Variants in PEX3 observed in about 807,000 individuals in gnomAD.
The protein encoded by PEX3 is peroxin-3.
In PEX3, 30 loss-of-function variants were observed where a neutral mutation model predicts 55.8. The observed-to-expected ratio is 0.54, with a 90% CI of 0.40 to 0.73. The LOEUF (loss-of-function observed/expected upper bound fraction) is 0.73. PEX3 is among the 30% of genes least tolerant of loss of function. The probability of loss-of-function intolerance (pLI) is 0.00; values close to 1 mark genes in which losing one functional copy is unlikely to be tolerated. For missense variants in PEX3, 351 were observed against 432.8 expected (o/e 0.81, Z 1.68); for synonymous variants, 135 against 148.4 (o/e 0.91, Z 0.66).
intron 1 of PEX3, among the ~76,000 whole-genome samples, chr6:143,457,026 G>A (rs1779856651): frequency 6.6e-6 from 1 of 152,118 alleles, no homozygotes; most frequent in African/African-American, 2.4e-5. Flanking sequence ...TAAAGCAGTG[G>A]ACCTTCTCCC....
In PEX3 at chr6:143,462,773, A is replaced by T; in HGVS notation, c.206-143A>T. On this transcript the variant is annotated intron_variant, in intron 2 of 11. Coordinates refer to ENST00000367591, the MANE Select transcript of PEX3 (RefSeq NM_003630.3). This position sits in a 1 kb window ranked among gnomAD's most constrained non-coding sequence, Gnocchi z 4.1. ...ATAATCGTTTTATAATAATAATAAT[A>T]ATTTGAATCGTCTAGCCCTGACTTT... 2 of 636,414 alleles carry T rather than the reference A, an allele frequency of 3.1e-6. No homozygotes were observed. The highest frequency in any genetic ancestry group is 5.7e-6 in the Non-Finnish European group (2 of 350,914). 39.4% of individuals were successfully genotyped at this position (636,414 alleles called of 1,614,324 possible). A position where few individuals can be genotyped will look rare whatever the true frequency, so the allele number is the denominator to read the frequency against.
At position 143,462,907 on chromosome 6, in the gene PEX3, G is replaced by GT. The variant is rs1441989367; in HGVS notation, c.206-8dup. ...GTGACCTTTTTTATTTTTTTTGTTT[G>GT]TATTACAGTGCTGTCCATGCTTCCA... On this transcript the variant is annotated splice_polypyrimidine_tract_variant and intron_variant, in intron 2 of 11. Transcript: ENST00000367591. The surrounding 1 kb of genome is among the most constrained non-coding windows in gnomAD (Gnocchi z 4.1). 6.2e-7 allele frequency: 1 copy of GT among 1,606,652 alleles called. No homozygotes were observed. The highest frequency in any genetic ancestry group is 2.2e-5 in the East Asian group (1 of 44,806).
Position 143,483,563 on chromosome 6 carries a change from TCAGA to T in PEX3, c.942-1586_942-1583del, listed in dbSNP as rs535953205. Among the ~76,000 whole-genome samples, 53 of 152,262 alleles carry T rather than the reference TCAGA, an allele frequency of 3.5e-4. No individual in the cohort carries two copies. Among genetic ancestry groups the T allele is most frequent in the Admixed American group, 1.3e-3 (20 of 15,274 alleles). ...CTGAATACATAGAACAAGAGTGGTG[TCAGA>T]CAAAGCTGGAGAATGCAGCATATAC... is the stretch of plus-strand genomic sequence containing the variant. On this transcript the variant is annotated intron_variant, in intron 10 of 11. Transcript: ENST00000367591. The surrounding 1 kb of genome is among the most constrained non-coding windows in gnomAD (Gnocchi z 4.3).
Position 143,453,580 on chromosome 6 carries a change from C to T in PEX3, c.73+2465C>T, listed in dbSNP as rs1779804161. On this transcript the variant is annotated intron_variant, in intron 1 of 11. Transcript: ENST00000367591. The surrounding 1 kb of genome is among the most constrained non-coding windows in gnomAD (Gnocchi z 4.6). ...ACAATGGTGTGATCGTAGCTCACTGCAGCCTTGTTTTCTCCTTTGCTAGCT... is the reference window on the plus strand; with the variant it reads ...ACAATGGTGTGATCGTAGCTCACTGTAGCCTTGTTTTCTCCTTTGCTAGCT... Among the ~76,000 whole-genome samples, 1 of 152,072 alleles carries T rather than the reference C, an allele frequency of 6.6e-6. No homozygotes were observed. The highest frequency in any genetic ancestry group is 1.9e-4 in the East Asian group (1 of 5,194).
At chr6:143,468,801 T>TCC (rs775693906) in intron 4 of PEX3, among the ~76,000 whole-genome samples, 624 of 12,360 alleles carry the variant, frequency 0.05, 16 homozygotes, top group East Asian at 0.24. Context: ...CCTAATGCTA[T>TCC]CCCCCCCCCC....
Position 143,459,121 on chromosome 6 carries a change from T to C in PEX3, c.110T>C (p.Ile37Thr), listed in dbSNP as rs765883981. The change falls in exon 2 of 12, where the codon ATC becomes ACC. Residue 37 changes from isoleucine to threonine, a missense_variant. Physicochemically the swap from Ile to Thr is moderately conservative, Grantham distance 89. Transcript: ENST00000367591. This position sits in a 1 kb window ranked among gnomAD's most constrained non-coding sequence, Gnocchi z 4.2. ...CTGGGGAAATATGGACAGAAGAAAA[T>C]CAGAGAAATACAGGAAAGGGAGGCT... ...YILGKYGQKK[I>T]REIQEREAAE... 2 of 1,601,754 alleles carry C rather than the reference T, an allele frequency of 1.2e-6. No homozygotes were observed. Among genetic ancestry groups the C allele is most frequent in the Non-Finnish European group, 1.7e-6 (2 of 1,168,968 alleles).
intron 10 of PEX3, among the ~76,000 whole-genome samples, chr6:143,480,787 G>T (rs1294877434): frequency 6.6e-6 from 1 of 152,128 alleles, no homozygotes; most frequent in Non-Finnish European, 1.5e-5. Context: ...GAGGTGGGTG[G>T]ATTGCACGAG....
rs759855175 is a variant in PEX3 at position 143,458,728 on chromosome 6, A to T, written c.74-357A>T. 2.6e-5 allele frequency among the ~76,000 whole-genome samples: 4 copies of T among 152,224 alleles called. No homozygotes were observed. Among genetic ancestry groups the T allele is most frequent in the Admixed American group, 2.0e-4 (3 of 15,288 alleles). On this transcript the variant is annotated intron_variant, in intron 1 of 11. Transcript: ENST00000367591. The surrounding 1 kb of genome is among the most constrained non-coding windows in gnomAD (Gnocchi z 6.1). ...ATTATTTAGCAATGTGGTTTTTAAT[A>T]ACTACATAAGATTTCGTTGTATGGC...
intron 10 of PEX3, 168 bp from the exon 11 acceptor site, chr6:143,484,984 T>C: frequency 1.7e-6 from 1 of 595,330 alleles, no homozygotes. Context: ...TTGGTCATGA[T>C]GTCAATTAGA....
rs1780367321 is a variant in PEX3 at position 143,490,124 on chromosome 6, T to C, written c.*898T>C. 6.6e-6 allele frequency: 1 copy of C among 152,202 alleles called. No individual in the cohort carries two copies. Among genetic ancestry groups the C allele is most frequent in the South Asian group, 2.1e-4 (1 of 4,828 alleles). 9.4% of individuals were successfully genotyped at this position (152,202 alleles called of 1,614,324 possible). A position where few individuals can be genotyped will look rare whatever the true frequency, so the allele number is the denominator to read the frequency against. ...TTAAGTTTCATTTTAATTGGTCGTG[T>C]ACTTGGTGCTTTTTTGTTGTTGTTA... On this transcript the variant is annotated 3_prime_UTR_variant, in exon 12 of 12. Coordinates refer to ENST00000367591, the MANE Select transcript of PEX3 (RefSeq NM_003630.3). This position sits in a 1 kb window ranked among gnomAD's most constrained non-coding sequence, Gnocchi z 6.0.
At chr6:143,481,302 G>C (rs574302292) in intron 10 of PEX3, among the ~76,000 whole-genome samples, 3 of 151,862 alleles carry the variant, frequency 2.0e-5, no homozygotes, top group African/African-American at 7.2e-5. Flanking sequence ...AATAATAGCA[G>C]CTAATACTTT....
intron 8 of PEX3, among the ~76,000 whole-genome samples, chr6:143,473,134 G>A (rs1160168434): frequency 1.3e-5 from 2 of 152,182 alleles, no homozygotes; most frequent in African/African-American, 4.8e-5. Context: ...CCTCAGCAGA[G>A]AGGCCCTGTT....
Position 143,489,179 on chromosome 6 carries a change from G to C in PEX3, c.1075G>C (p.Ala359Pro). The change falls in exon 12 of 12, where the codon GCT (alanine) becomes CCT (proline). Residue 359 changes from alanine to proline, a missense_variant. Coordinates refer to ENST00000367591, the MANE Select transcript of PEX3 (RefSeq NM_003630.3). The surrounding 1 kb of genome is among the most constrained non-coding windows in gnomAD (Gnocchi z 5.5). ...LTMEQVKDFA[A>P]NVYEAFSTPQ... ...AATGGAGCAAGTGAAAGACTTTGCT[G>C]CTAATGTGTATGAAGCTTTTAGTAC... 6.2e-7 allele frequency: 1 copy of C among 1,610,296 alleles called. No homozygotes were observed. Among genetic ancestry groups the C allele is most frequent in the Non-Finnish European group, 8.5e-7 (1 of 1,176,840 alleles).
chr6:143,484,788 T>C (rs1431292725), intron 10 of PEX3, among the ~76,000 whole-genome samples: 1 of 151,988 alleles, frequency 6.6e-6, no homozygotes, highest in East Asian at 1.9e-4. Flanking sequence ...ATGATATAAA[T>C]TGTCACAGCT....
Position 143,489,397 on chromosome 6 carries a change from T to G in PEX3, c.*171T>G. ...AATTTATTTGGCATCTTAATATATT[T>G]TTTTAGATTCATCAACAGACCAGTT... On this transcript the variant is annotated 3_prime_UTR_variant, in exon 12 of 12. Coordinates refer to ENST00000367591, the MANE Select transcript of PEX3 (RefSeq NM_003630.3). The surrounding 1 kb of genome is among the most constrained non-coding windows in gnomAD (Gnocchi z 5.5). 1 of 555,662 alleles carries G rather than the reference T, an allele frequency of 1.8e-6. No homozygotes were observed. The highest frequency in any genetic ancestry group is 2.1e-5 in the South Asian group (1 of 48,760). 34.4% of individuals were successfully genotyped at this position (555,662 alleles called of 1,614,324 possible).
rs1366273769 is a variant in PEX3 at position 143,463,244 on chromosome 6, C to T, written c.287+247C>T. Among the ~76,000 whole-genome samples, 1 of 152,152 alleles carries T rather than the reference C, an allele frequency of 6.6e-6. No individual in the cohort carries two copies. The highest frequency in any genetic ancestry group is 2.4e-5 in the African/African-American group (1 of 41,426). The stretch of plus-strand genomic sequence containing the variant: ...TTTTTCATATAAATAGACCTTATAG[C>T]ACTTTGAAATTGTTCACAAATTTAA... On this transcript the variant is annotated intron_variant, in intron 3 of 11. Coordinates refer to ENST00000367591, the MANE Select transcript of PEX3 (RefSeq NM_003630.3). The surrounding 1 kb of genome is among the most constrained non-coding windows in gnomAD (Gnocchi z 5.7).
intron 10 of PEX3, among the ~76,000 whole-genome samples, chr6:143,481,960 CCT>C (rs754416693): frequency 8.9e-4 from 135 of 151,158 alleles, no homozygotes; most frequent in Non-Finnish European, 1.6e-3. Flanking sequence ...AGAATAAGAC[CCT>C]GTCTCTTAAA....
At position 143,489,055 on chromosome 6, in the gene PEX3, G is replaced by A; in HGVS notation, c.1039-88G>A. 1.1e-6 allele frequency: 1 copy of A among 887,410 alleles called. No individual in the cohort carries two copies. The highest frequency in any genetic ancestry group is 1.9e-6 in the Non-Finnish European group (1 of 524,764). 55.0% of individuals were successfully genotyped at this position (887,410 alleles called of 1,614,324 possible). A position where few individuals can be genotyped will look rare whatever the true frequency, so the allele number is the denominator to read the frequency against. On this transcript the variant is annotated intron_variant, in intron 11 of 11. Transcript: ENST00000367591. This position sits in a 1 kb window ranked among gnomAD's most constrained non-coding sequence, Gnocchi z 5.5. ...CTCTTGGCCTTTACCACAAAACTTAGAGCTGAATTCATCGCTTGATTGCAG... is the reference window on the plus strand; with the variant it reads ...CTCTTGGCCTTTACCACAAAACTTAAAGCTGAATTCATCGCTTGATTGCAG...
In PEX3 at chr6:143,470,941, C is replaced by CT. The variant is rs747188454; in HGVS notation, c.332-16dup. The stretch of plus-strand genomic sequence containing the variant: ...TTTGTATTAATCACAGTACCAAATG[C>CT]TTTTCTTTTCTCTGTGAAGGTTTCA... On this transcript the variant is annotated intron_variant, in intron 4 of 11. Coordinates refer to ENST00000367591, the MANE Select transcript of PEX3 (RefSeq NM_003630.3). 102 of 1,605,198 alleles carry CT rather than the reference C, an allele frequency of 6.4e-5. No homozygotes were observed. The highest frequency in any genetic ancestry group is 8.4e-5 in the Non-Finnish European group (99 of 1,173,192).
Sources: allele counts gnomAD v4.1 joint callset (sites outside exome capture counted in the v4.1 genomes callset), GRCh38; gene constraint gnomAD v4.1.1; non-coding constraint Gnocchi (gnomAD v3.1); transcripts MANE v1.5; gene names NCBI Gene and HGNC (gene_info 2026-07-23, HGNC 2026-07-21).